Variants in NAT10 observed in about 807,000 individuals in gnomAD.
NAT10 encodes N-acetyltransferase 10, also known as RNA cytidine acetyltransferase.
Under a neutral mutation model 132.2 loss-of-function variants are expected in NAT10, and 109 were observed. The ratio of observed to expected loss-of-function variants is 0.82; its 90% confidence interval spans 0.71 to 0.97. NAT10 has a LOEUF of 0.97. Among genes scored for constraint, NAT10 ranks in the 50% least tolerant of loss-of-function variants. The probability of loss-of-function intolerance (pLI) is 0.00; values close to 1 mark genes in which losing one functional copy is unlikely to be tolerated. For synonymous variants in NAT10, 479 were observed against 478.0 expected (o/e 1.00, Z -0.03); for missense variants, 1,184 against 1,263.4 (o/e 0.94, Z 0.95).
chr11:34,108,243 G>A lies in NAT10; in HGVS notation c.18G>A (p.Val6=). 1 of 1,614,012 alleles carries A rather than the reference G, an allele frequency of 6.2e-7. No individual in the cohort carries two copies. The highest frequency in any genetic ancestry group is 8.5e-7 in the Non-Finnish European group (1 of 1,179,882). Residue 6 remains valine, a synonymous_variant, in exon 2 of 29, where the codon GTG becomes GTA. Transcript: ENST00000257829. Reference sequence around the variant, plus strand: ...TTTTCACCATGCATCGGAAAAAGGTGGATAACCGAATCCGGATTCTCATTG... The same window carrying A: ...TTTTCACCATGCATCGGAAAAAGGTAGATAACCGAATCCGGATTCTCATTG... MHRKK[V]DNRIRILIEN...
intron 8 of NAT10, among the ~76,000 whole-genome samples, chr11:34,120,063 T>C (rs984379173): frequency 6.6e-6 from 1 of 152,154 alleles, no homozygotes; most frequent in African/African-American, 2.4e-5. Flanking sequence ...GTGTTGCTGC[T>C]TTAATTAGGA....
intron 6 of NAT10, among the ~76,000 whole-genome samples, chr11:34,117,094 CACCTAT>C (rs1028958489): frequency 6.6e-5 from 10 of 152,204 alleles, no homozygotes; most frequent in Non-Finnish European, 1.5e-4. Context: ...GTCTGGGAAA[CACCTAT>C]ACCGTTTTTT....
chr11:34,118,925 A>G (rs1297027114), intron 8 of NAT10, among the ~76,000 whole-genome samples: 2 of 152,188 alleles, frequency 1.3e-5, no homozygotes, highest in Admixed American at 1.3e-4. Context: ...ACATTGAAAG[A>G]GGAATCCTCT....
At chr11:34,124,173 A>AT in intron 10 of NAT10, 129 bp from the exon 11 acceptor site, 1 of 662,942 alleles carries the variant, frequency 1.5e-6, no homozygotes, top group Non-Finnish European at 2.5e-6. Context: ...AAAAAAAAAA[A>AT]GGATTTTTAT....
At chr11:34,137,947 G>C (rs949879728) in intron 21 of NAT10, among the ~76,000 whole-genome samples, 2 of 152,224 alleles carry the variant, frequency 1.3e-5, no homozygotes, top group African/African-American at 4.8e-5. Context: ...AGCTGCAGTG[G>C]AGTGGAGGCT....
chr11:34,140,517 C>G lies in NAT10; in HGVS notation c.2537C>G (p.Ser846Cys). Residue 846 changes from serine to cysteine, a missense_variant, in exon 24 of 29, where the codon TCT becomes TGT. Ser to Cys is a moderately radical substitution (Grantham distance 112). Transcript: ENST00000257829. ...ATCATGGACATGATCCCGGCCATCT[C>G]TCGCATCTATTTCCTGAACCAGCTG... ...HLIMDMIPAI[S>C]RIYFLNQLGD... 1 of 1,614,210 alleles carries G rather than the reference C, an allele frequency of 6.2e-7. No individual in the cohort carries two copies. Among genetic ancestry groups the G allele is most frequent in the Non-Finnish European group, 8.5e-7 (1 of 1,180,036 alleles).
chr11:34,115,540 G>A (rs60494596), intron 5 of NAT10, among the ~76,000 whole-genome samples: 15,547 of 152,244 alleles, frequency 0.1, 859 homozygotes, highest in African/African-American at 0.15. Context: ...ATTAGTGTAT[G>A]CACAGCATAT....
At chr11:34,119,325 G>A (rs942081578) in intron 8 of NAT10, among the ~76,000 whole-genome samples, 5 of 152,220 alleles carry the variant, frequency 3.3e-5, no homozygotes, top group Admixed American at 6.5e-5. Flanking sequence ...AGCATGGGTC[G>A]CTGCCCTTGA....
At position 34,123,912 on chromosome 11, in the gene NAT10, G is replaced by A. The variant is rs377427091; in HGVS notation, c.1008+57G>A. 6.0e-4 allele frequency: 833 copies of A among 1,392,318 alleles called. 2 individuals carry two copies. The highest frequency in any genetic ancestry group is 6.9e-4 in the Non-Finnish European group (680 of 982,356). The allele number at this position is 1,392,318 out of a possible 1,614,324, so 86.2% of individuals were successfully genotyped here. On this transcript the variant is annotated intron_variant, in intron 10 of 28. Transcript: ENST00000257829. ...GGACCTGGTGTGGTGGCTCACGCCT[G>A]TAATCCCAGCACTTTGGGAGGCCGA...
chr11:34,134,540 C>T lies in NAT10; in HGVS notation c.1865C>T (p.Ser622Phe), dbSNP rs1342076018. 2 of 1,614,014 alleles carry T rather than the reference C, an allele frequency of 1.2e-6. No homozygotes were observed. Among genetic ancestry groups the T allele is most frequent in the Non-Finnish European group, 1.7e-6 (2 of 1,180,034 alleles). Residue 622 changes from serine (S) to phenylalanine (F), a missense_variant, in exon 18 of 29, where the codon TCT (serine) becomes TTT (phenylalanine). Physicochemically the swap from Ser to Phe is radical, Grantham distance 155. Coordinates refer to ENST00000257829, the MANE Select transcript of NAT10 (RefSeq NM_024662.3). ...CAAGATCCAGACTTTGGTGGTCTGT[C>T]TGGTGGAAGGGTCGTTCGCATTGCT... The part of the protein sequence containing the change: ...QFQDPDFGGL[S>F]GGRVVRIAVH...
chr11:34,119,488 C>T (rs1170654436), intron 8 of NAT10, among the ~76,000 whole-genome samples: 2 of 152,158 alleles, frequency 1.3e-5, no homozygotes, highest in Non-Finnish European at 2.9e-5. Context: ...CTTCCTGGTA[C>T]CCTCTTTATC....
At chr11:34,118,626 T>C (rs904057660) in intron 8 of NAT10, 123 bp downstream of exon 8, 3 of 679,386 alleles carry the variant, frequency 4.4e-6, no homozygotes, top group African/African-American at 1.8e-5. Context: ...ACTTTTCCCC[T>C]TGCTCATACT....
rs1254373695 is a variant in NAT10, at chr11:34,113,824, T to C, written c.481T>C (p.Tyr161His). Residue 161 changes from tyrosine (Y) to histidine (H), a missense_variant, in exon 5 of 29, where the codon TAC becomes CAC. Transcript: ENST00000257829. ...GACCATGAACTCACTCAAGCAATTGTACACAGTGACTATGGTAAGCATCTG... is the reference window on the plus strand; with the variant it reads ...GACCATGAACTCACTCAAGCAATTGCACACAGTGACTATGGTAAGCATCTG... Reference protein sequence around the residue: ...LRTMNSLKQLYTVTMDVHSRY... With the variant: ...LRTMNSLKQLHTVTMDVHSRY... The C allele has an allele frequency of 6.2e-7, 1 of 1,613,468 alleles. No homozygotes were observed. The highest frequency in any genetic ancestry group is 8.5e-7 in the Non-Finnish European group (1 of 1,179,794).
intron 4 of NAT10, 54 bp from the exon 5 acceptor site, chr11:34,113,662 T>TAAA (rs1851736023): frequency 8.2e-7 from 1 of 1,226,854 alleles, no homozygotes; most frequent in African/African-American, 1.9e-5. Flanking sequence ...AAAAAAAAAG[T>TAAA]CCTTTGGGTT....
At position 34,127,740 on chromosome 11, in the gene NAT10, C is replaced by T. The variant is rs1331162505; in HGVS notation, c.1244+141C>T. 5 of 1,046,584 alleles carry T rather than the reference C, an allele frequency of 4.8e-6. No homozygotes were observed. In the African/African-American group the frequency reaches 4.8e-5, roughly 10 times the overall value. 64.8% of individuals were successfully genotyped at this position (1,046,584 alleles called of 1,614,324 possible). On this transcript the variant is annotated intron_variant, in intron 12 of 28. Transcript: ENST00000257829. ...GTGTTTGAGGCTGCTTCATTCTCTA[C>T]TGGGCTTCTGCAAATGGAAACTGGT... is the stretch of plus-strand genomic sequence containing the variant.
In NAT10 at chr11:34,142,018, T is replaced by TTG. The variant is rs771326825; in HGVS notation, c.2811+213_2811+214dup. ...GGCCTAGAGTTGTGCCTCCCACTGA[T>TTG]TGTGTGTGTGTGTTGTGAATGTAGG... On this transcript the variant is annotated intron_variant, in intron 26 of 28. Transcript: ENST00000257829. 48 of 619,182 alleles carry TTG rather than the reference T, an allele frequency of 7.8e-5. 1 individual carries two copies. The highest frequency in any genetic ancestry group is 1.6e-4 in the South Asian group (8 of 49,680). The allele number at this position is 619,182 out of a possible 1,614,324, so 38.4% of individuals were successfully genotyped here. A position where few individuals can be genotyped will look rare whatever the true frequency, so the allele number is the denominator to read the frequency against.
chr11:34,123,031 T>G (rs1851923084), intron 9 of NAT10, among the ~76,000 whole-genome samples: 1 of 152,214 alleles, frequency 6.6e-6, no homozygotes, highest in Non-Finnish European at 1.5e-5. Flanking sequence ...TAGTTTCTGT[T>G]TTTTTCTACT....
At chr11:34,122,182 GAA>G (rs1050682754) in intron 8 of NAT10, among the ~76,000 whole-genome samples, 1 of 150,770 alleles carries the variant, frequency 6.6e-6, no homozygotes, top group African/African-American at 2.4e-5. Context: ...ATCTCAGAAG[GAA>G]AAAAAAAGTC....
At chr11:34,134,687 T>A in intron 18 of NAT10, 101 bp downstream of exon 18, 1 of 1,171,820 alleles carries the variant, frequency 8.5e-7, no homozygotes, top group Non-Finnish European at 1.3e-6. Flanking sequence ...CAGAAGCAAG[T>A]GAAGTGTAGG....
Sources: allele counts gnomAD v4.1 joint callset (sites outside exome capture counted in the v4.1 genomes callset), GRCh38; gene constraint gnomAD v4.1.1; transcripts MANE v1.5; gene names NCBI Gene and HGNC (gene_info 2026-07-23, HGNC 2026-07-21).